The following ZNF888 variants were observed in gnomAD, a reference collection of about 807,000 sequenced individuals.
ZNF888 encodes the protein zinc finger protein 888.
A neutral mutation model predicts 7.2 loss-of-function variants in ZNF888; 5 were observed. The observed-to-expected ratio is 0.70, with a 90% CI of 0.36 to 1.46. The LOEUF (loss-of-function observed/expected upper bound fraction) is 1.46, where lower values mean the gene tolerates loss of function less well. Ranked by LOEUF, ZNF888 falls within the 40% of genes most tolerant of loss-of-function variation. The pLI is 0.03. For missense variants in ZNF888, 716 were observed against 858.0 expected (o/e 0.83, Z 2.07); for synonymous variants, 240 against 284.3 (o/e 0.84, Z 1.57).
chr19:52,917,757 T>C, intron 3 of ZNF888, 102 bp downstream of exon 3: 1 of 1,587,206 alleles, frequency 6.3e-7, no homozygotes, highest in South Asian at 1.1e-5. Flanking sequence ...TGAGCAAACC[T>C]GTCACGCAGG....
chr19:52,911,425 A>G (rs1461006282), intron 4 of ZNF888, among the ~76,000 whole-genome samples: 3 of 149,782 alleles, frequency 2.0e-5, no homozygotes, highest in Non-Finnish European at 4.4e-5. Flanking sequence ...TGCAACCTCC[A>G]TCTCCCGGGT....
rs566919974 is a variant in ZNF888 at position 52,904,904 on chromosome 19, A to C, written c.*1261T>G. On this transcript the variant is annotated 3_prime_UTR_variant, in exon 5 of 5. Transcript: ENST00000638862. ...TGCACAATACAATATCGGCACCAAA[A>C]ATTACTTGAATTTCCACACATTAAC... 1.3e-5 allele frequency: 2 copies of C among 152,380 alleles called. No homozygotes were observed. Among genetic ancestry groups the C allele is most frequent in the East Asian group, 3.9e-4 (2 of 5,192 alleles). 9.4% of individuals were successfully genotyped at this position (152,380 alleles called of 1,614,324 possible).
Position 52,908,072 on chromosome 19 carries a change from A to T in ZNF888, c.250T>A (p.Cys84Ser), listed in dbSNP as rs937968463. ...TCTTTCTCAATTTCCTGGAAGCAAC[A>T]TTCTCCAATGTGATGACTTGCCAGT... ...QRLASHHIGE[C>S]CFQEIEKDIH... The change falls in exon 5 of 5, where the codon TGT becomes AGT. Residue 84 changes from cysteine to serine, a missense_variant. By Grantham distance (112) the Cys-to-Ser change is moderately radical. Transcript: ENST00000638862. 1.5e-5 allele frequency: 24 copies of T among 1,614,208 alleles called. 1 individual carries two copies. In the Middle Eastern group the frequency reaches 9.9e-4, roughly 67 times the overall value.
In ZNF888 at chr19:52,906,063, T is replaced by C. The variant is rs1217833203; in HGVS notation, c.*102A>G. ...CAGCGTATGAACGATGTCTGAAAAA[T>C]TTGCCACATTTACTACACTTGTAAG... On this transcript the variant is annotated 3_prime_UTR_variant, in exon 5 of 5. Coordinates refer to ENST00000638862, the MANE Select transcript of ZNF888 (RefSeq NM_001393938.1). 36 of 1,552,606 alleles carry C rather than the reference T, an allele frequency of 2.3e-5. No homozygotes were observed. Among genetic ancestry groups the C allele is most frequent in the Non-Finnish European group, 3.0e-5 (34 of 1,126,040 alleles).
intron 4 of ZNF888, among the ~76,000 whole-genome samples, chr19:52,910,777 T>C (rs2064668654): frequency 6.6e-6 from 1 of 152,162 alleles, no homozygotes; most frequent in Non-Finnish European, 1.5e-5. Flanking sequence ...AATAAATTTC[T>C]GTCTCTTAAG....
chr19:52,906,919 C>T lies in ZNF888; in HGVS notation c.1403G>A (p.Cys468Tyr). Residue 468 changes from cysteine to tyrosine, a missense_variant, in exon 5 of 5, where the codon TGT (cysteine) becomes TAT (tyrosine). Coordinates refer to ENST00000638862, the MANE Select transcript of ZNF888 (RefSeq NM_001393938.1). Reference protein sequence around the residue: ...RLHTGEKPYKCKECDKVFSRK... With the variant: ...RLHTGEKPYKYKECDKVFSRK... ...ACTGAAAACTTTGTCACATTCTTTACATTTGTAAGGTTTCTCTCCAGTATG... is the reference window on the plus strand; with the variant it reads ...ACTGAAAACTTTGTCACATTCTTTATATTTGTAAGGTTTCTCTCCAGTATG... The T allele has an allele frequency of 6.2e-7, 1 of 1,612,576 alleles. No homozygotes were observed. Among genetic ancestry groups the T allele is most frequent in the Non-Finnish European group, 8.5e-7 (1 of 1,179,724 alleles).
At chr19:52,913,187 T>A (rs1244077430) in intron 4 of ZNF888, among the ~76,000 whole-genome samples, 2 of 152,134 alleles carry the variant, frequency 1.3e-5, no homozygotes, top group Non-Finnish European at 2.9e-5. Flanking sequence ...CTAAACTTTT[T>A]TCATATTATT....
intron 4 of ZNF888, among the ~76,000 whole-genome samples, chr19:52,909,492 CAT>C (rs1212367595): frequency 1.3e-5 from 2 of 152,182 alleles, no homozygotes; most frequent in East Asian, 2.0e-4. Flanking sequence ...AGGTGACCCA[CAT>C]GTCTCAGCCT....
chr19:52,921,227 G>C (rs2064819827), intron 1 of ZNF888, among the ~76,000 whole-genome samples: 2 of 152,220 alleles, frequency 1.3e-5, no homozygotes, highest in Non-Finnish European at 2.9e-5. Context: ...GGATTCATGA[G>C]ATGGGGGCAA....
chr19:52,909,405 G>A (rs536513769), intron 4 of ZNF888, among the ~76,000 whole-genome samples: 3 of 151,690 alleles, frequency 2.0e-5, no homozygotes, highest in African/African-American at 7.2e-5. Flanking sequence ...ACACCACCAT[G>A]CCCAGCTAAT....
At chr19:52,908,844 C>CAAAAAAAAAAA (rs11326533) in intron 4 of ZNF888, among the ~76,000 whole-genome samples, 1 of 81,274 alleles carries the variant, frequency 1.2e-5, no homozygotes. Context: ...AGACTCGAGT[C>CAAAAAAAAAAA]AAAAAAAAAA....
At chr19:52,910,334 A>G (rs1425461557) in intron 4 of ZNF888, among the ~76,000 whole-genome samples, 1 of 152,068 alleles carries the variant, frequency 6.6e-6, no homozygotes, top group Non-Finnish European at 1.5e-5. Context: ...TTAGCTATGC[A>G]TGGTGGCGGG....
At chr19:52,917,485 A>G (rs771597434) in intron 3 of ZNF888, 2 of 578,600 alleles carry the variant, frequency 3.5e-6, no homozygotes, top group African/African-American at 1.9e-5. Context: ...CTTTGTGCAC[A>G]TTAATATGTG....
At position 52,913,843 on chromosome 19, in the gene ZNF888, C is replaced by T. The variant is rs75644635; in HGVS notation, c.142+1353G>A. The T allele has an allele frequency of 1.9e-3, 1,367 of 714,238 alleles. 16 individuals are homozygous for T. The African/African-American group carries it at 0.025, about 13-fold the overall frequency. The allele number at this position is 714,238 out of a possible 1,614,324, so 44.2% of individuals were successfully genotyped here. A position where few individuals can be genotyped will look rare whatever the true frequency, so the allele number is the denominator to read the frequency against. ...AAGACAAAACTATTTAAAATAATAA[C>T]GGTTGGGCATGGTGGCTCACGCCTG... On this transcript the variant is annotated intron_variant, in intron 4 of 4. Transcript: ENST00000638862.
intron 4 of ZNF888, chr19:52,913,705 A>G: frequency 2.0e-6 from 2 of 982,352 alleles, no homozygotes; most frequent in Non-Finnish European, 2.4e-6. Context: ...CTCTGCCCAT[A>G]TATCTATACG....
chr19:52,907,859 G>T lies in ZNF888; in HGVS notation c.463C>A (p.Pro155Thr). The change falls in exon 5 of 5, where the codon CCC becomes ACC. Residue 155 changes from proline to threonine, a missense_variant. Physicochemically the swap from Pro to Thr is conservative, Grantham distance 38. Coordinates refer to ENST00000638862, the MANE Select transcript of ZNF888 (RefSeq NM_001393938.1). ...SHLPELHIFQ[P>T]EGKIGNQLEK... ...AGTTGATTACCAATTTTCCCTTCGGGCTGAAATATGTGCAGTTCAGGCAGA... is the reference window on the plus strand; with the variant it reads ...AGTTGATTACCAATTTTCCCTTCGGTCTGAAATATGTGCAGTTCAGGCAGA... 6.2e-7 allele frequency: 1 copy of T among 1,614,116 alleles called. No individual in the cohort carries two copies. Among genetic ancestry groups the T allele is most frequent in the South Asian group, 1.1e-5 (1 of 91,080 alleles).
At chr19:52,923,318 T>C (rs1283090477) in intron 1 of ZNF888, 51 bp downstream of exon 1, 2 of 985,524 alleles carry the variant, frequency 2.0e-6, no homozygotes, top group Non-Finnish European at 2.4e-6. Flanking sequence ...AGGTACAGAA[T>C]TGCCGGGGAC....
At chr19:52,920,533 G>GAAAAAAAA (rs1175516942) in intron 1 of ZNF888, among the ~76,000 whole-genome samples, 3 of 24,800 alleles carry the variant, frequency 1.2e-4, no homozygotes, top group Non-Finnish European at 2.5e-4. Context: ...AAAAGAAAAG[G>GAAAAAAAA]AAAAAAAAAA....
At chr19:52,916,942 G>A (rs1361752225) in intron 3 of ZNF888, among the ~76,000 whole-genome samples, 1 of 151,816 alleles carries the variant, frequency 6.6e-6, no homozygotes, top group African/African-American at 2.4e-5. Flanking sequence ...ATAATAATAG[G>A]TGGAATGAGA....
Sources: gnomAD v4.1 joint callset for allele counts (sites outside exome capture counted in the v4.1 genomes callset) on GRCh38, gnomAD v4.1.1 for gene constraint, MANE v1.5 for transcripts, NCBI Gene and HGNC (gene_info 2026-07-23, HGNC 2026-07-21) for gene names.